ROR1: variants seen among roughly 807,000 people sequenced by gnomAD.
ROR1 encodes the protein ROR family WNT receptor 1.
In ROR1, 19 loss-of-function variants were observed where a neutral mutation model predicts 78.8. That is an observed-to-expected ratio of 0.24 (90% confidence interval 0.17 to 0.35). The LOEUF (loss-of-function observed/expected upper bound fraction) is 0.35, where lower values mean the gene tolerates loss of function less well. Among genes scored for constraint, ROR1 ranks in the 10% least tolerant of loss-of-function variants. The pLI, the probability that ROR1 is intolerant of heterozygous loss-of-function variation, is 1.00. For synonymous variants in ROR1, 386 were observed against 433.6 expected (o/e 0.89, Z 1.36); for missense variants, 917 against 1,177.8 (o/e 0.78, Z 3.24).
chr1:64,081,449 T>C lies in ROR1; in HGVS notation c.482+30733T>C, dbSNP rs567195291. On this transcript the variant is annotated intron_variant, in intron 4 of 8. Coordinates refer to ENST00000371079, the MANE Select transcript of ROR1 (RefSeq NM_005012.4). ...AAAATAATATACATGAAGAGTTTCA[T>C]TGGCTGTGAAAAATGCTTGTGCTCT... Among the ~76,000 whole-genome samples the C allele has an allele frequency of 7.9e-5, 12 of 152,244 alleles. No homozygotes were observed. In the South Asian group the frequency reaches 2.5e-3, roughly 32 times the overall value.
At chr1:64,046,434 T>A (rs1485862787) in intron 2 of ROR1, among the ~76,000 whole-genome samples, 1 of 152,252 alleles carries the variant, frequency 6.6e-6, no homozygotes, top group Non-Finnish European at 1.5e-5. Context: ...TTTACATTTC[T>A]TTTGTTCTCT....
At chr1:64,139,985 G>C (rs1215338728) in intron 5 of ROR1, 124 bp from the exon 6 acceptor site, 1 of 853,348 alleles carries the variant, frequency 1.2e-6, no homozygotes, top group Non-Finnish European at 1.8e-6. Flanking sequence ...CCTTCTCTGG[G>C]CCTTGTCTGT....
rs372569564 is a variant in ROR1, at chr1:64,159,039, T to C, written c.1233T>C (p.Ser411=). 7 of 1,613,960 alleles carry C rather than the reference T, an allele frequency of 4.3e-6. No homozygotes were observed. The African/African-American group carries it at 9.3e-5, about 22-fold the overall frequency. ...AAATCCTGTACATACTAGTGCCAAG[T>C]GTGGCCATTCCCCTGGCCATTGCTT... The part of the protein sequence containing the change: ...KMEILYILVP[S]VAIPLAIALL... The change falls in exon 8 of 9, where the codon AGT becomes AGC. Residue 411 remains serine (S), a synonymous_variant. Transcript: ENST00000371079.
chr1:64,114,677 A>G (rs955580059), intron 4 of ROR1, among the ~76,000 whole-genome samples: 2 of 152,134 alleles, frequency 1.3e-5, no homozygotes, highest in South Asian at 2.1e-4. Context: ...TTTCTGATTG[A>G]CACAATTCAA....
intron 1 of ROR1, among the ~76,000 whole-genome samples, chr1:63,865,152 AT>A (rs961481930): frequency 2.4e-4 from 37 of 151,768 alleles, no homozygotes; most frequent in African/African-American, 7.5e-4. Context: ...CTGCAAGGGA[AT>A]TTTTTTTTAA....
intron 1 of ROR1, among the ~76,000 whole-genome samples, chr1:63,957,813 G>A (rs1156560054): frequency 6.6e-6 from 1 of 150,750 alleles, no homozygotes; most frequent in Non-Finnish European, 1.5e-5. Flanking sequence ...TGCAATCTCA[G>A]CTCACTGCAA....
chr1:63,968,666 C>T (rs1336728032), intron 1 of ROR1, among the ~76,000 whole-genome samples: 1 of 152,036 alleles, frequency 6.6e-6, no homozygotes, highest in Non-Finnish European at 1.5e-5. Context: ...TTGTATACAC[C>T]CACTAGTTTC....
chr1:63,814,281 A>G lies in ROR1; in HGVS notation c.91+39773A>G, dbSNP rs201756446. Among the ~76,000 whole-genome samples the G allele has an allele frequency of 4.6e-5, 7 of 152,186 alleles. No homozygotes were observed. The East Asian group carries it at 1.3e-3, about 29-fold the overall frequency. ...GGAGCAACTCCTTAAAACAGCTTCC[A>G]CAGTTCTTGCACATACTCCTTTCTT... On this transcript the variant is annotated intron_variant, in intron 1 of 8. Coordinates refer to ENST00000371079, the MANE Select transcript of ROR1 (RefSeq NM_005012.4).
intron 6 of ROR1, among the ~76,000 whole-genome samples, chr1:64,140,841 C>T (rs1473735328): frequency 6.6e-6 from 1 of 152,098 alleles, no homozygotes. Flanking sequence ...GTGGTATATC[C>T]AGACAGTGAA....
chr1:63,796,852 A>G (rs1342207257), intron 1 of ROR1, among the ~76,000 whole-genome samples: 2 of 152,194 alleles, frequency 1.3e-5, no homozygotes, highest in East Asian at 3.9e-4. Flanking sequence ...TGGTCCAGAG[A>G]GCAGCGGGCC....
chr1:63,808,681 T>C (rs1307158978), intron 1 of ROR1, among the ~76,000 whole-genome samples: 2 of 152,150 alleles, frequency 1.3e-5, no homozygotes, highest in Non-Finnish European at 2.9e-5. Flanking sequence ...AAATGTGTCA[T>C]GTGGGTCTCT....
chr1:64,026,174 T>A (rs1203943265), intron 2 of ROR1, among the ~76,000 whole-genome samples: 1 of 152,202 alleles, frequency 6.6e-6, no homozygotes, highest in East Asian at 1.9e-4. Flanking sequence ...TTTTATTCCC[T>A]CTTCTGCTCA....
chr1:64,007,838 C>G (rs79062599), intron 1 of ROR1, among the ~76,000 whole-genome samples: 1,990 of 152,166 alleles, frequency 0.013, 43 homozygotes, highest in African/African-American at 0.046. Flanking sequence ...ATTTATTAGT[C>G]TAAGACTGGT....
chr1:63,943,103 A>AAC (rs1160323367), intron 1 of ROR1, among the ~76,000 whole-genome samples: 5 of 145,044 alleles, frequency 3.4e-5, no homozygotes, highest in African/African-American at 1.4e-4. Flanking sequence ...TAAAAAAAAA[A>AAC]AAAAAAAAAA....
intron 4 of ROR1, among the ~76,000 whole-genome samples, chr1:64,115,606 A>G (rs887655104): frequency 2.8e-5 from 4 of 141,076 alleles, no homozygotes; most frequent in Non-Finnish European, 4.7e-5. Context: ...TAAAGTATAT[A>G]TATGTGTATA....
chr1:63,898,243 A>G (rs1645456259), intron 1 of ROR1, among the ~76,000 whole-genome samples: 1 of 152,176 alleles, frequency 6.6e-6, no homozygotes, highest in Non-Finnish European at 1.5e-5. Flanking sequence ...CAAAGGCTAT[A>G]TATTATTCAA....
chr1:63,990,939 C>A (rs1314647763), intron 1 of ROR1, among the ~76,000 whole-genome samples: 1 of 152,100 alleles, frequency 6.6e-6, no homozygotes, highest in Non-Finnish European at 1.5e-5. Flanking sequence ...AAAACTCTGT[C>A]TTTTAAAAAT....
At chr1:63,952,269 C>T (rs1645946148) in intron 1 of ROR1, among the ~76,000 whole-genome samples, 1 of 151,790 alleles carries the variant, frequency 6.6e-6, no homozygotes, top group Non-Finnish European at 1.5e-5. Flanking sequence ...TAGAAAGGCC[C>T]CCAAACAGGA....
At chr1:64,087,986 G>C (rs559487560) in intron 4 of ROR1, among the ~76,000 whole-genome samples, 2 of 152,294 alleles carry the variant, frequency 1.3e-5, no homozygotes, top group East Asian at 3.9e-4. Flanking sequence ...TTGATGCAAG[G>C]CTCCTGCTTT....
Sources: allele counts gnomAD v4.1 joint callset (sites outside exome capture counted in the v4.1 genomes callset), GRCh38; gene constraint gnomAD v4.1.1; transcripts MANE v1.5; gene names NCBI Gene and HGNC (gene_info 2026-07-23, HGNC 2026-07-21).